The following PRR16 variants were observed in gnomAD, a reference collection of about 807,000 sequenced individuals.
The protein encoded by PRR16 is protein Largen.
Under a neutral mutation model 18.2 loss-of-function variants are expected in PRR16, and 6 were observed. The ratio of observed to expected loss-of-function variants is 0.33; its 90% confidence interval spans 0.18 to 0.65. PRR16 has a LOEUF of 0.65. Ranked by LOEUF, PRR16 falls within the 30% of genes least tolerant of loss-of-function variation. The pLI is 0.74. For synonymous variants in PRR16, 151 were observed against 147.8 expected (o/e 1.02, Z -0.16); for missense variants, 412 against 376.6 (o/e 1.09, Z -0.78).
chr5:120,711,007 C>G, the PRR16 span, among the ~76,000 whole-genome samples: 1 of 152,074 alleles, frequency 6.6e-6, no homozygotes, highest in Non-Finnish European at 1.5e-5. Flanking sequence ...TCTGTTCCTC[C>G]ATTTTCAAAG....
At chr5:120,685,900 A>T in intron 1 of PRR16, 54 bp from the exon 2 acceptor site, 1 of 1,518,722 alleles carries the variant, frequency 6.6e-7, no homozygotes, top group Non-Finnish European at 8.9e-7. Context: ...AATTGTTTCT[A>T]GTATACTTTG....
intron 1 of PRR16, among the ~76,000 whole-genome samples, chr5:120,631,524 G>A (rs1755054427): frequency 6.6e-6 from 1 of 152,146 alleles, no homozygotes; most frequent in Non-Finnish European, 1.5e-5. Flanking sequence ...AGGACTGCCA[G>A]CTGCATGGGA....
At chr5:120,595,697 T>G (rs915362082) in intron 1 of PRR16, among the ~76,000 whole-genome samples, 1 of 151,972 alleles carries the variant, frequency 6.6e-6, no homozygotes, top group African/African-American at 2.4e-5. Context: ...GTTAAAAAAA[T>G]TCAATGACTC....
At chr5:120,485,669 T>A (rs933674340) in intron 1 of PRR16, among the ~76,000 whole-genome samples, 3 of 152,300 alleles carry the variant, frequency 2.0e-5, no homozygotes, top group Middle Eastern at 3.4e-3. Flanking sequence ...ATTATTATAC[T>A]TTAAGTTTTA....
chr5:120,489,322 G>A (rs1385603216), intron 1 of PRR16, among the ~76,000 whole-genome samples: 8 of 152,172 alleles, frequency 5.3e-5, no homozygotes, highest in Admixed American at 2.6e-4. Flanking sequence ...CTTGCCTTAC[G>A]AATCTGGGTG....
chr5:120,738,565 A>G, the PRR16 span, among the ~76,000 whole-genome samples: 2 of 152,132 alleles, frequency 1.3e-5, no homozygotes, highest in African/African-American at 4.8e-5. Flanking sequence ...TGATTTTTGC[A>G]TGTGTTACAA....
chr5:120,520,836 C>CTTA (rs1751150395), intron 1 of PRR16, among the ~76,000 whole-genome samples: 2 of 151,862 alleles, frequency 1.3e-5, no homozygotes, highest in South Asian at 4.2e-4. Flanking sequence ...CAAAAAAACT[C>CTTA]TTAAATATTG....
intron 1 of PRR16, among the ~76,000 whole-genome samples, chr5:120,534,979 A>G (rs1210291265): frequency 6.6e-6 from 1 of 152,232 alleles, no homozygotes; most frequent in Non-Finnish European, 1.5e-5. Context: ...TTTTAAAAGT[A>G]TGTATCGTGA....
chr5:120,563,439 C>T (rs1482663872), intron 1 of PRR16, among the ~76,000 whole-genome samples: 1 of 152,196 alleles, frequency 6.6e-6, no homozygotes, highest in African/African-American at 2.4e-5. Flanking sequence ...GCTAAGCTGG[C>T]ATCAAACCAC....
intron 1 of PRR16, among the ~76,000 whole-genome samples, chr5:120,594,376 G>C (rs1753735980): frequency 6.6e-6 from 1 of 151,780 alleles, no homozygotes. Flanking sequence ...AAAAATAATA[G>C]TAATAAAATA....
chr5:120,495,597 T>A (rs1750218258), intron 1 of PRR16, among the ~76,000 whole-genome samples: 1 of 152,152 alleles, frequency 6.6e-6, no homozygotes, highest in Non-Finnish European at 1.5e-5. Context: ...CCATTCACAG[T>A]TGGATGAATC....
At chr5:120,555,118 A>T (rs902991631) in intron 1 of PRR16, among the ~76,000 whole-genome samples, 1 of 151,884 alleles carries the variant, frequency 6.6e-6, no homozygotes, top group African/African-American at 2.4e-5. Context: ...TTTATTTATT[A>T]ATTTACTGAG....
chr5:120,518,307 T>C (rs1025537734), intron 1 of PRR16, among the ~76,000 whole-genome samples: 18 of 152,144 alleles, frequency 1.2e-4, no homozygotes, highest in Non-Finnish European at 2.4e-4. Flanking sequence ...TTCAATTATT[T>C]GTTTTAATTG....
At chr5:120,636,768 G>A (rs879147615) in intron 1 of PRR16, among the ~76,000 whole-genome samples, 2 of 151,856 alleles carry the variant, frequency 1.3e-5, no homozygotes, top group East Asian at 1.9e-4. Flanking sequence ...CAACAAAAAC[G>A]AAGAAAAATA....
At chr5:120,733,902 A>G in the PRR16 span, among the ~76,000 whole-genome samples, 8 of 152,326 alleles carry the variant, frequency 5.3e-5, no homozygotes, top group African/African-American at 1.4e-4. Flanking sequence ...TATACTTTCA[A>G]TGCATTAAAA....
intron 1 of PRR16, among the ~76,000 whole-genome samples, chr5:120,663,388 A>G (rs906743957): frequency 6.6e-6 from 1 of 152,174 alleles, no homozygotes; most frequent in Non-Finnish European, 1.5e-5. Flanking sequence ...CTCACTTTTT[A>G]TAAGTAAAAA....
intron 1 of PRR16, among the ~76,000 whole-genome samples, chr5:120,558,138 A>G (rs145827757): frequency 6.6e-6 from 1 of 152,012 alleles, no homozygotes; most frequent in East Asian, 1.9e-4. Context: ...CCTTTGTTTT[A>G]CAAATAATCC....
At chr5:120,785,572 G>GTTTTTT in the PRR16 span, among the ~76,000 whole-genome samples, 52 of 119,910 alleles carry the variant, frequency 4.3e-4, 4 homozygotes, top group African/African-American at 4.6e-4. Flanking sequence ...TTTTGTTGTT[G>GTTTTTT]TTGTTTTTTT....
chr5:120,518,924 G>C (rs1751083418), intron 1 of PRR16, among the ~76,000 whole-genome samples: 1 of 152,108 alleles, frequency 6.6e-6, no homozygotes, highest in African/African-American at 2.4e-5. Context: ...TTGAGAACAA[G>C]ATAGAAAAGG....
Sources: allele counts gnomAD v4.1 joint callset (sites outside exome capture counted in the v4.1 genomes callset), GRCh38; gene constraint gnomAD v4.1.1; transcripts MANE v1.5; gene names NCBI Gene and HGNC (gene_info 2026-07-23, HGNC 2026-07-21).